Variants in AGBL1 observed in about 807,000 individuals in gnomAD.
AGBL1 encodes the protein cytosolic carboxypeptidase 4.
AGBL1 carries 130 observed loss-of-function variants against 118.9 expected under a neutral mutation model. That is an observed-to-expected ratio of 1.09 (90% CI 0.95 to 1.26). The LOEUF (loss-of-function observed/expected upper bound fraction) is 1.26, where lower values mean the gene tolerates loss of function less well. Among genes scored for constraint, AGBL1 ranks in the 50% most tolerant of loss-of-function variants. AGBL1 has a pLI of 0.00. For synonymous variants in AGBL1, 555 were observed against 478.9 expected (o/e 1.16, Z -2.08); for missense variants, 1,584 against 1,298.1 (o/e 1.22, Z -3.38).
chr15:86,757,541 A>G (rs764246773), intron 22 of AGBL1, among the ~76,000 whole-genome samples: 3 of 152,100 alleles, frequency 2.0e-5, no homozygotes, highest in Non-Finnish European at 4.4e-5. Context: ...ACAGAGGGAA[A>G]AACCAAGGCT....
intron 21 of AGBL1, among the ~76,000 whole-genome samples, chr15:86,646,911 C>G (rs918902057): frequency 5.9e-5 from 9 of 152,076 alleles, no homozygotes; most frequent in Non-Finnish European, 1.0e-4. Context: ...ACTTAATTAT[C>G]CAGGAAAAGT....
chr15:87,025,702 C>T (rs923392463), intron 24 of AGBL1, among the ~76,000 whole-genome samples: 2 of 151,718 alleles, frequency 1.3e-5, no homozygotes, highest in Admixed American at 6.6e-5. Flanking sequence ...GCAAGCAAAG[C>T]AAGACTAAGC....
chr15:86,682,592 A>G (rs1167297313), intron 22 of AGBL1, among the ~76,000 whole-genome samples: 1 of 152,146 alleles, frequency 6.6e-6, no homozygotes, highest in African/African-American at 2.4e-5. Flanking sequence ...CTTACAGAAT[A>G]TTACTCAAGA....
chr15:86,654,321 A>G lies in AGBL1; in HGVS notation c.2995-19952A>G, dbSNP rs541248785. Among the ~76,000 whole-genome samples the G allele has an allele frequency of 3.5e-4, 53 of 152,290 alleles. 1 individual carries two copies. In the South Asian group the frequency reaches 9.9e-3, roughly 29 times the overall value. Reference sequence around the variant, plus strand: ...AGATCTTCCCATTTTTTTCAAAGCTATATAATAAAGACTTATTTTGAGTGT... The same window carrying G: ...AGATCTTCCCATTTTTTTCAAAGCTGTATAATAAAGACTTATTTTGAGTGT... On this transcript the variant is annotated intron_variant, in intron 21 of 22. Transcript: ENST00000614907.
intron 21 of AGBL1, among the ~76,000 whole-genome samples, chr15:86,668,425 C>T (rs151042146): frequency 1.1e-4 from 17 of 152,120 alleles, no homozygotes; most frequent in Non-Finnish European, 1.8e-4. Context: ...GTAGTTTCAC[C>T]AATGCAATAT....
intron 22 of AGBL1, among the ~76,000 whole-genome samples, chr15:86,820,952 T>G (rs2078934351): frequency 6.6e-6 from 1 of 152,094 alleles, no homozygotes; most frequent in South Asian, 2.1e-4. Context: ...AATGATAGAC[T>G]GGATAAAGAA....
At chr15:86,635,199 C>A (rs1347439113) in intron 21 of AGBL1, among the ~76,000 whole-genome samples, 1 of 150,550 alleles carries the variant, frequency 6.6e-6, no homozygotes, top group African/African-American at 2.4e-5. Context: ...AATTTCTTGT[C>A]TTGCCCTATT....
chr15:86,750,875 G>T (rs180967658), intron 22 of AGBL1, among the ~76,000 whole-genome samples: 1 of 151,936 alleles, frequency 6.6e-6, no homozygotes, highest in African/African-American at 2.4e-5. Flanking sequence ...CTACTTATAA[G>T]CAAGGACATG....
At chr15:86,214,991 G>T (rs188790854) in intron 5 of AGBL1, among the ~76,000 whole-genome samples, 16 of 152,260 alleles carry the variant, frequency 1.1e-4, no homozygotes, top group African/African-American at 3.4e-4. Context: ...AGGGGAGGAG[G>T]TTCTTTGTTT....
At chr15:86,664,156 G>A (rs1383468862) in intron 21 of AGBL1, among the ~76,000 whole-genome samples, 1 of 152,138 alleles carries the variant, frequency 6.6e-6, no homozygotes, top group African/African-American at 2.4e-5. Context: ...AATGGATTAG[G>A]AAACCTGGGC....
chr15:86,556,718 C>T (rs529681261), intron 21 of AGBL1, among the ~76,000 whole-genome samples: 2 of 152,200 alleles, frequency 1.3e-5, no homozygotes, highest in East Asian at 3.9e-4. Context: ...AAGCTGAGTC[C>T]CAGTTGAGTC....
At chr15:86,233,038 C>G (rs572296398) in intron 6 of AGBL1, among the ~76,000 whole-genome samples, 1 of 152,194 alleles carries the variant, frequency 6.6e-6, no homozygotes, top group African/African-American at 2.4e-5. Context: ...TTATGATCCC[C>G]ATTTTACATG....
chr15:86,355,501 G>T (rs987963672), intron 17 of AGBL1, among the ~76,000 whole-genome samples: 3 of 152,020 alleles, frequency 2.0e-5, no homozygotes, highest in African/African-American at 7.3e-5. Context: ...TGCTTTTGAG[G>T]GCTGCTGGCT....
chr15:86,824,639 C>G lies in AGBL1; in HGVS notation c.3159-82448C>G, dbSNP rs182896977. On this transcript the variant is annotated intron_variant, in intron 22 of 22. Transcript: ENST00000614907. ...CCTAGAGTAGCTAAAACAATTTTGACCAAAAAATATAGTGAGATGAATCAC... is the reference window on the plus strand; with the variant it reads ...CCTAGAGTAGCTAAAACAATTTTGAGCAAAAAATATAGTGAGATGAATCAC... 4.6e-5 allele frequency among the ~76,000 whole-genome samples: 7 copies of G among 151,368 alleles called. No homozygotes were observed. In the East Asian group the frequency reaches 1.2e-3, roughly 25 times the overall value.
chr15:86,657,734 C>T (rs1470289478), intron 21 of AGBL1, among the ~76,000 whole-genome samples: 3 of 152,104 alleles, frequency 2.0e-5, no homozygotes, highest in Non-Finnish European at 4.4e-5. Flanking sequence ...GGCCTAATCT[C>T]ACATCATAAG....
At chr15:86,447,659 G>A (rs561270950) in intron 18 of AGBL1, among the ~76,000 whole-genome samples, 3 of 152,266 alleles carry the variant, frequency 2.0e-5, no homozygotes, top group Admixed American at 6.5e-5. Context: ...CAAATAGGTA[G>A]GGAATCCAAA....
At chr15:86,890,569 G>A (rs540439722) in intron 22 of AGBL1, among the ~76,000 whole-genome samples, 1 of 152,154 alleles carries the variant, frequency 6.6e-6, no homozygotes, top group African/African-American at 2.4e-5. Flanking sequence ...TTCTGTGTAA[G>A]GTATAAGGAA....
intron 23 of AGBL1, among the ~76,000 whole-genome samples, chr15:86,938,112 T>C (rs2080698383): frequency 6.6e-6 from 1 of 152,232 alleles, no homozygotes; most frequent in Non-Finnish European, 1.5e-5. Flanking sequence ...GGCATGATTG[T>C]GCAGAGACAC....
chr15:86,491,475 G>A lies in AGBL1; in HGVS notation c.2556-31335G>A, dbSNP rs141717446. Among the ~76,000 whole-genome samples the A allele has an allele frequency of 1.8e-3, 275 of 152,178 alleles. 1 individual carries two copies. Among genetic ancestry groups the A allele is most frequent in the African/African-American group, 6.4e-3 (264 of 41,534 alleles). On this transcript the variant is annotated intron_variant, in intron 18 of 22. Transcript: ENST00000614907. ...TGTGAGGCTTTCAGGCAGGGATGTG[G>A]TACAGCAATTACAGTGCACTTTTGA...
Sources: allele counts gnomAD v4.1 joint callset (sites outside exome capture counted in the v4.1 genomes callset), GRCh38; gene constraint gnomAD v4.1.1; transcripts MANE v1.5; gene names NCBI Gene and HGNC (gene_info 2026-07-23, HGNC 2026-07-21).